Variants in RPS6KB1 observed in about 807,000 individuals in gnomAD.
The protein encoded by RPS6KB1 is ribosomal protein S6 kinase B1.
Under a neutral mutation model 70.2 loss-of-function variants are expected in RPS6KB1, and 12 were observed. The observed-to-expected ratio is 0.17, with a 90% CI of 0.11 to 0.28. RPS6KB1 has a LOEUF of 0.28. RPS6KB1 is among the 10% of genes least tolerant of loss of function. RPS6KB1 has a pLI of 1.00. For missense variants in RPS6KB1, 270 were observed against 646.6 expected (o/e 0.42, Z 6.32); for synonymous variants, 175 against 211.2 (o/e 0.83, Z 1.49).
In RPS6KB1 at chr17:59,893,140, G is replaced by A. The variant is rs1294239801; in HGVS notation, c.-45G>A. The A allele has an allele frequency of 2.5e-6, 4 of 1,595,458 alleles. No homozygotes were observed. The highest frequency in any genetic ancestry group is 2.7e-5 in the African/African-American group (2 of 74,782). ...GCAGACGCACTGAGCCTAAGCAGCCGGTGATGGCGGCAGCGGCTGTGGTGG... is the reference window on the plus strand; with the variant it reads ...GCAGACGCACTGAGCCTAAGCAGCCAGTGATGGCGGCAGCGGCTGTGGTGG... On this transcript the variant is annotated 5_prime_UTR_variant, in exon 1 of 15. Coordinates refer to ENST00000225577, the MANE Select transcript of RPS6KB1 (RefSeq NM_003161.4). This position sits in a 1 kb window ranked among gnomAD's most constrained non-coding sequence, Gnocchi z 4.1.
intron 5 of RPS6KB1, among the ~76,000 whole-genome samples, chr17:59,926,789 C>G (rs1390663051): frequency 6.6e-6 from 1 of 152,086 alleles, no homozygotes; most frequent in African/African-American, 2.4e-5. Flanking sequence ...TTTCCCTCAT[C>G]TGTAAAATTT....
intron 1 of RPS6KB1, among the ~76,000 whole-genome samples, chr17:59,899,475 C>T (rs1367833616): frequency 6.6e-6 from 1 of 152,102 alleles, no homozygotes; most frequent in East Asian, 1.9e-4. Context: ...AATCATGGTC[C>T]AGTCTTAACT....
chr17:59,901,021 C>T (rs11656510), intron 1 of RPS6KB1, among the ~76,000 whole-genome samples: 19,337 of 151,552 alleles, frequency 0.13, 1,491 homozygotes, highest in Middle Eastern at 0.18. Context: ...AATACCCAGG[C>T]GTGGTGGTGC....
At chr17:59,928,183 G>T (rs1049033951) in intron 5 of RPS6KB1, among the ~76,000 whole-genome samples, 2 of 151,524 alleles carry the variant, frequency 1.3e-5, no homozygotes, top group African/African-American at 4.9e-5. Context: ...CAAAATAAAA[G>T]AATTCCTATA....
intron 1 of RPS6KB1, among the ~76,000 whole-genome samples, chr17:59,910,291 A>G (rs1817320355): frequency 6.6e-6 from 1 of 151,866 alleles, no homozygotes. Context: ...GTATGCTATG[A>G]TCATACCCCT....
chr17:59,940,265 G>A (rs113459151), intron 12 of RPS6KB1, among the ~76,000 whole-genome samples: 7,037 of 141,784 alleles, frequency 0.05, 572 homozygotes, highest in African/African-American at 0.17. Flanking sequence ...TTTTGAGCTC[G>A]ATATATTCAC....
chr17:59,947,906 C>A lies in RPS6KB1; in HGVS notation c.*1118C>A. The A allele has an allele frequency of 3.0e-6, 1 of 330,004 alleles. No individual in the cohort carries two copies. The highest frequency in any genetic ancestry group is 5.5e-6 in the Non-Finnish European group (1 of 181,208). The allele number at this position is 330,004 out of a possible 1,614,324, so 20.4% of individuals were successfully genotyped here. Reference sequence around the variant, plus strand: ...GTAAGATTTTCAGTTTTACTTCTTTCTACTGTTTCTGCTGTCTACCTTCCT... The same window carrying A: ...GTAAGATTTTCAGTTTTACTTCTTTATACTGTTTCTGCTGTCTACCTTCCT... On this transcript the variant is annotated 3_prime_UTR_variant, in exon 15 of 15. Transcript: ENST00000225577.
chr17:59,909,644 A>G (rs2042507395), intron 1 of RPS6KB1, among the ~76,000 whole-genome samples: 1 of 151,462 alleles, frequency 6.6e-6, no homozygotes, highest in Non-Finnish European at 1.5e-5. Context: ...TGAGAAGCCG[A>G]GGAGGGCGGA....
chr17:59,912,566 T>G (rs2042712236), intron 2 of RPS6KB1, 118 bp from the exon 3 acceptor site: 1 of 985,614 alleles, frequency 1.0e-6, no homozygotes, highest in Admixed American at 2.7e-5. Context: ...TTTGGTGTCA[T>G]GTACTTTTTT....
intron 1 of RPS6KB1, among the ~76,000 whole-genome samples, chr17:59,900,060 T>C (rs1460833289): frequency 2.6e-5 from 4 of 151,790 alleles, no homozygotes; most frequent in Non-Finnish European, 5.9e-5. Flanking sequence ...CTGGCACTAG[T>C]GACTCCAGAG....
In RPS6KB1 at chr17:59,938,699, T is replaced by TGTG. The variant is rs2044395492; in HGVS notation, c.1120-2137_1120-2136insGTG. ...TTGATCAGGAGGCATAATGTGTAGT[T>TGTG]TGTGTGTGTGTGTGTGTGTGTGTGT... On this transcript the variant is annotated intron_variant, in intron 12 of 14. Coordinates refer to ENST00000225577, the MANE Select transcript of RPS6KB1 (RefSeq NM_003161.4). 7.3e-4 allele frequency among the ~76,000 whole-genome samples: 101 copies of TGTG among 138,168 alleles called. 1 individual carries two copies. Among genetic ancestry groups the TGTG allele is most frequent in the Admixed American group, 5.4e-3 (73 of 13,488 alleles). The allele number at this position is 138,168 out of a possible 152,430, so 90.6% of individuals were successfully genotyped here. A position where few individuals can be genotyped will look rare whatever the true frequency, so the allele number is the denominator to read the frequency against.
At chr17:59,909,087 C>T (rs796106829) in intron 1 of RPS6KB1, among the ~76,000 whole-genome samples, 9 of 150,470 alleles carry the variant, frequency 6.0e-5, no homozygotes, top group African/African-American at 9.8e-5. Flanking sequence ...CCACCACGGC[C>T]GACTAATTTT....
intron 1 of RPS6KB1, among the ~76,000 whole-genome samples, chr17:59,899,489 C>G (rs1171925799): frequency 1.3e-5 from 2 of 152,186 alleles, no homozygotes; most frequent in Non-Finnish European, 2.9e-5. Flanking sequence ...CTTAACTACT[C>G]TGTAGTCTTT....
intron 1 of RPS6KB1, among the ~76,000 whole-genome samples, chr17:59,898,928 C>T (rs964814358): frequency 1.3e-5 from 2 of 149,810 alleles, no homozygotes; most frequent in Non-Finnish European, 3.0e-5. Context: ...CCTGGCCAGG[C>T]GGGGTGGCTC....
At chr17:59,902,510 C>T (rs572399621) in intron 1 of RPS6KB1, among the ~76,000 whole-genome samples, 21 of 151,378 alleles carry the variant, frequency 1.4e-4, no homozygotes, top group Admixed American at 2.0e-4. Flanking sequence ...ATCCATTTAC[C>T]GGTTGATGTT....
At chr17:59,942,912 A>G (rs1309863625) in intron 13 of RPS6KB1, among the ~76,000 whole-genome samples, 1 of 151,986 alleles carries the variant, frequency 6.6e-6, no homozygotes, top group Admixed American at 6.6e-5. Context: ...CCCGGGAGGC[A>G]GAGGTTGCAG....
chr17:59,908,285 C>G (rs1239429678), intron 1 of RPS6KB1, among the ~76,000 whole-genome samples: 1 of 151,510 alleles, frequency 6.6e-6, no homozygotes, highest in Non-Finnish European at 1.5e-5. Flanking sequence ...CTTTGCCTCC[C>G]GTATCCAAGA....
At chr17:59,933,611 G>A (rs8072050) in intron 7 of RPS6KB1, among the ~76,000 whole-genome samples, 19,924 of 152,086 alleles carry the variant, frequency 0.13, 1,566 homozygotes, top group Middle Eastern at 0.22. Flanking sequence ...TTACTTTCTG[G>A]ATCAGTGATG....
chr17:59,936,332 T>C (rs1598807212), intron 11 of RPS6KB1, 55 bp downstream of exon 11: 1 of 1,530,366 alleles, frequency 6.5e-7, no homozygotes, highest in East Asian at 2.2e-5. Context: ...GTTTTATGTA[T>C]TTCTGAGGGT....
Sources: gnomAD v4.1 joint callset for allele counts (sites outside exome capture counted in the v4.1 genomes callset) on GRCh38, gnomAD v4.1.1 for gene constraint, Gnocchi (gnomAD v3.1) non-coding constraint, MANE v1.5 for transcripts, NCBI Gene and HGNC (gene_info 2026-07-23, HGNC 2026-07-21) for gene names.